Variants in MAGT1 observed in about 807,000 individuals in gnomAD.
MAGT1 encodes the protein magnesium transporter 1, also known as dolichyl-diphosphooligosaccharide--protein glycosyltransferase subunit MAGT1.
MAGT1 carries 4 observed loss-of-function variants against 28.4 expected under a neutral mutation model. That is an observed-to-expected ratio of 0.14 (90% confidence interval 0.07 to 0.32). The LOEUF is 0.32. Among genes scored for constraint, MAGT1 ranks in the 10% least tolerant of loss-of-function variants. The pLI is 1.00. For synonymous variants in MAGT1, 89 were observed against 89.7 expected, an observed-to-expected ratio of 0.99 and a Z score of 0.04; for missense variants, 193 against 264.5, an observed-to-expected ratio of 0.73 and a Z score of 1.88.
intron 7 of MAGT1, among the ~76,000 whole-genome samples, chrX:77,844,943 G>A (rs1252068428): frequency 2.7e-5 from 3 of 111,587 alleles, no homozygotes; most frequent in Non-Finnish European, 3.8e-5. Context: ...GGAGAGTTCT[G>A]TAGATGTCTA....
rs1327364980 is a variant in MAGT1 at position 77,833,605 on chromosome X, A to G, written c.902-2710T>C. On this transcript the variant is annotated intron_variant, in intron 8 of 9. Coordinates refer to ENST00000618282, the MANE Select transcript of MAGT1 (RefSeq NM_001367916.1). Reference sequence around the variant, plus strand: ...AAGAAGTGAAAGAACTCTATGATGAAAACTATAAAACACTGCTGAAAGAAA... The same window carrying G: ...AAGAAGTGAAAGAACTCTATGATGAGAACTATAAAACACTGCTGAAAGAAA... Among the ~76,000 whole-genome samples the G allele has an allele frequency of 3.6e-5, 4 of 112,088 alleles. No homozygotes were observed. The East Asian group carries it at 1.1e-3, about 31-fold the overall frequency.
intron 8 of MAGT1, among the ~76,000 whole-genome samples, chrX:77,833,725 T>C (rs1484582167): frequency 8.9e-6 from 1 of 112,173 alleles, no homozygotes; most frequent in African/African-American, 3.2e-5. Flanking sequence ...AAGCAATCTA[T>C]AGATTCAATG....
intron 4 of MAGT1, 102 bp from the exon 5 acceptor site, chrX:77,856,975 T>C (rs936843093): frequency 2.2e-4 from 166 of 768,275 alleles, no homozygotes; most frequent in Non-Finnish European, 3.1e-4. Context: ...ATTATTGTGG[T>C]TACTTTCGGA....
chrX:77,860,113 C>T (rs782655265), intron 3 of MAGT1, among the ~76,000 whole-genome samples: 1 of 111,424 alleles, frequency 9.0e-6, no homozygotes, highest in African/African-American at 3.3e-5. Context: ...GAGAAGGAGT[C>T]TCACTCTGTT....
Position 77,856,852 on chromosome X carries a change from T to C in MAGT1, c.553A>G (p.Asn185Asp). The change falls in exon 5 of 10, where the codon AAT becomes GAT. Residue 185 changes from asparagine (N) to aspartate (D), a missense_variant. Coordinates refer to ENST00000618282, the MANE Select transcript of MAGT1 (RefSeq NM_001367916.1). ...CCCAACATAAGGGGACCAGCATAAT[T>C]TGGGGGTCTAATCACTCTAATCTAA... ...DVNIRVIRPPNYAGPLMLGLL... is the reference protein window; with the variant it reads ...DVNIRVIRPPDYAGPLMLGLL... The C allele has an allele frequency of 6.6e-6, 8 of 1,207,972 alleles. No individual in the cohort carries two copies. The highest frequency in any genetic ancestry group is 9.0e-6 in the Non-Finnish European group (8 of 892,748).
chrX:77,830,845 G>T lies in MAGT1; in HGVS notation c.952C>A (p.Leu318Ile). 2 of 1,157,606 alleles carry T rather than the reference G, an allele frequency of 1.7e-6. No individual in the cohort carries two copies. Among genetic ancestry groups the T allele is most frequent in the Admixed American group, 2.3e-5 (1 of 43,592 alleles). ...TGATATTTAGATCTAAAAATAGAGA[G>T]CATCCAACTGAAGAATAATACAACA... is the stretch of plus-strand genomic sequence containing the variant. Reference protein sequence around the residue: ...GLVVLFFSWMLSIFRSKYHGY... With the variant: ...GLVVLFFSWMISIFRSKYHGY... Residue 318 changes from leucine to isoleucine, a missense_variant, in exon 9 of 10, where the codon CTC (leucine) becomes ATC (isoleucine). Transcript: ENST00000618282.
At chrX:77,857,278 A>G (rs2149018356) in intron 4 of MAGT1, 79 bp downstream of exon 4, 1 of 1,142,983 alleles carries the variant, frequency 8.7e-7, no homozygotes, top group East Asian at 3.0e-5. Context: ...TGATATGGGG[A>G]CAAGACTAAT....
intron 3 of MAGT1, among the ~76,000 whole-genome samples, chrX:77,866,633 G>A (rs913924076): frequency 1.5e-5 from 1 of 66,590 alleles, no homozygotes; most frequent in African/African-American, 3.5e-5. Context: ...TTCATTCCTG[G>A]CCATAGGCTG....
intron 2 of MAGT1, 101 bp downstream of exon 2, chrX:77,875,327 A>G (rs2077030555): frequency 1.3e-6 from 1 of 764,457 alleles, no homozygotes; most frequent in South Asian, 2.1e-5. Context: ...AGGTATACAC[A>G]TTATTTAAGT....
At chrX:77,835,250 G>A (rs782674411) in intron 8 of MAGT1, among the ~76,000 whole-genome samples, 30 of 110,406 alleles carry the variant, frequency 2.7e-4, no homozygotes, top group South Asian at 2.6e-3. Context: ...GTGAGCCACC[G>A]CAAAAAAAGA....
chrX:77,847,705 G>A (rs1557215138), intron 7 of MAGT1, among the ~76,000 whole-genome samples: 1 of 107,631 alleles, frequency 9.3e-6, no homozygotes, highest in African/African-American at 3.4e-5. Flanking sequence ...CTGCCTCCCG[G>A]GTTCAAGAAA....
chrX:77,856,608 T>A, intron 5 of MAGT1, 125 bp downstream of exon 5: 1 of 646,385 alleles, frequency 1.5e-6, no homozygotes, highest in East Asian at 3.5e-5. Flanking sequence ...AAAATTAAAA[T>A]ATATAAAACT....
intron 7 of MAGT1, among the ~76,000 whole-genome samples, chrX:77,846,677 T>C (rs1027323020): frequency 3.6e-5 from 4 of 112,286 alleles, no homozygotes; most frequent in Middle Eastern, 4.2e-3. Context: ...TGCAGGTCTG[T>C]TGGAGTTTGC....
chrX:77,872,882 A>T (rs1164744254), intron 2 of MAGT1, among the ~76,000 whole-genome samples: 5 of 112,125 alleles, frequency 4.5e-5, no homozygotes, highest in Non-Finnish European at 7.5e-5. Context: ...CAGCACCACA[A>T]CTACAGTATA....
At chrX:77,884,328 T>C in intron 1 of MAGT1, among the ~76,000 whole-genome samples, 1 of 112,321 alleles carries the variant, frequency 8.9e-6, no homozygotes, top group Non-Finnish European at 1.9e-5. Flanking sequence ...CTTGGATTTA[T>C]GGAGAAAATA....
intron 1 of MAGT1, among the ~76,000 whole-genome samples, chrX:77,877,865 A>C (rs1350349480): frequency 2.2e-5 from 1 of 46,144 alleles, no homozygotes; most frequent in Non-Finnish European, 7.6e-5. Context: ...AATAAAATAA[A>C]ATAAAATATA....
rs1537892 is a variant in MAGT1, at chrX:77,857,912, A to G, written c.391-415T>C. ...CAAGATAATAAAATAATGCTCTAAA[A>G]CAGCAGTGAAAAGCAATACAAAATG... On this transcript the variant is annotated intron_variant, in intron 3 of 9. Transcript: ENST00000618282. Among the ~76,000 whole-genome samples the G allele has an allele frequency of 6.3e-4, 71 of 111,863 alleles. 2 individuals carry two copies. In the South Asian group the frequency reaches 0.023, roughly 36 times the overall value.
chrX:77,895,555 C>A, upstream of MAGT1: 1 of 1,072,148 alleles, frequency 9.3e-7, no homozygotes, highest in African/African-American at 1.8e-5. Flanking sequence ...CGTCACAGCG[C>A]GCTGGCGCTA....
chrX:77,849,677 C>A lies in MAGT1; in HGVS notation c.826+4224G>T, dbSNP rs184978782. Among the ~76,000 whole-genome samples, 44 of 109,696 alleles carry A rather than the reference C, an allele frequency of 4.0e-4. 1 individual carries two copies. The East Asian group carries it at 0.011, about 28-fold the overall frequency. On this transcript the variant is annotated intron_variant, in intron 7 of 9. Transcript: ENST00000618282. ...GTTGAGCTCAGGAGTTCGAAACCAG[C>A]CTCGCCAACATGATGAAACCCCATC...
Sources: gnomAD v4.1 joint callset for allele counts (sites outside exome capture counted in the v4.1 genomes callset) on GRCh38, gnomAD v4.1.1 for gene constraint, MANE v1.5 for transcripts, NCBI Gene and HGNC (gene_info 2026-07-23, HGNC 2026-07-21) for gene names.